RLIM: variants seen among roughly 807,000 people sequenced by gnomAD.
The protein encoded by RLIM is E3 ubiquitin-protein ligase RLIM.
In RLIM, 2 loss-of-function variants were observed where a neutral mutation model predicts 34.0. The observed-to-expected ratio is 0.06, with a 90% CI of 0.02 to 0.19. The LOEUF is 0.19. Ranked by LOEUF, RLIM falls within the 10% of genes least tolerant of loss-of-function variation. The probability of loss-of-function intolerance (pLI) is 1.00; values close to 1 mark genes in which losing one functional copy is unlikely to be tolerated. For synonymous variants in RLIM, 169 were observed against 164.0 expected, an observed-to-expected ratio of 1.03 and a Z score of -0.23; for missense variants, 286 against 479.7, an observed-to-expected ratio of 0.60 and a Z score of 3.77.
chrX:74,594,484 GA>G (rs1367179123), intron 2 of RLIM, 95 bp from the exon 3 acceptor site: 5 of 540,476 alleles, frequency 9.3e-6, no homozygotes, highest in African/African-American at 4.9e-5. Context: ...AAGATGATTA[GA>G]AAAAAAATCA....
chrX:74,603,851 T>G (rs2079671410), intron 1 of RLIM, among the ~76,000 whole-genome samples: 1 of 111,868 alleles, frequency 8.9e-6, no homozygotes, highest in Non-Finnish European at 1.9e-5. Flanking sequence ...GGCTCATGCC[T>G]GTAATCCCAG....
chrX:74,604,733 A>G (rs1407120278), intron 1 of RLIM, among the ~76,000 whole-genome samples: 1 of 111,449 alleles, frequency 9.0e-6, no homozygotes, highest in Non-Finnish European at 1.9e-5. Context: ...GAGATTTTTG[A>G]ATCCTAAACA....
intron 1 of RLIM, among the ~76,000 whole-genome samples, chrX:74,610,751 G>T (rs1056477020): frequency 5.5e-5 from 6 of 109,761 alleles, no homozygotes; most frequent in African/African-American, 2.0e-4. Flanking sequence ...TTAGCCAGGC[G>T]TGGTGGAGAG....
In RLIM at chrX:74,590,170, T is replaced by C. The variant is rs372686220; in HGVS notation, c.*1270A>G. 8.9e-6 allele frequency: 1 copy of C among 112,091 alleles called. No individual in the cohort carries two copies. The highest frequency in any genetic ancestry group is 1.9e-5 in the Non-Finnish European group (1 of 53,233). The allele number at this position is 112,091 out of a possible 1,213,427, so 9.2% of individuals were successfully genotyped here. ...ACACATGTGTACCAACTGCAATTCA[T>C]ATGCTAAAAGTGGTTTTATAGTCTC... On this transcript the variant is annotated 3_prime_UTR_variant, in exon 4 of 4. Transcript: ENST00000332687.
chrX:74,601,223 T>C (rs555596429), intron 1 of RLIM, among the ~76,000 whole-genome samples: 1 of 111,715 alleles, frequency 9.0e-6, no homozygotes, highest in South Asian at 3.7e-4. Context: ...TATTCAACAA[T>C]GAGAATCATC....
At chrX:74,614,062 G>A (rs1376629398) in intron 1 of RLIM, among the ~76,000 whole-genome samples, 1 of 109,898 alleles carries the variant, frequency 9.1e-6, no homozygotes, top group Non-Finnish European at 1.9e-5. Flanking sequence ...AGAGAACAGA[G>A]AAGAAAAAGC....
rs1484105857 is a variant in RLIM at position 74,583,206 on chromosome X, T to C, written c.*8234A>G. 1.5e-5 allele frequency: 16 copies of C among 1,083,069 alleles called. No homozygotes were observed. The highest frequency in any genetic ancestry group is 2.1e-5 in the Non-Finnish European group (16 of 778,039). 89.3% of individuals were successfully genotyped at this position (1,083,069 alleles called of 1,213,427 possible). A position where few individuals can be genotyped will look rare whatever the true frequency, so the allele number is the denominator to read the frequency against. Reference sequence around the variant, plus strand: ...CTTAGAATGGAGTGACTCTGGAGACTTGAGCATATGAAGAAGTTCTGAATT... The same window carrying C: ...CTTAGAATGGAGTGACTCTGGAGACCTGAGCATATGAAGAAGTTCTGAATT... On this transcript the variant is annotated 3_prime_UTR_variant, in exon 4 of 4. Transcript: ENST00000332687.
rs41303703 is a variant in RLIM at position 74,586,920 on chromosome X, C to T, written c.*4520G>A. ...AACAGCCTGGACAACATGGCGAAAC[C>T]CCATCTCCACAAAAAATTAGCCAGG... On this transcript the variant is annotated 3_prime_UTR_variant, in exon 4 of 4. Coordinates refer to ENST00000332687, the MANE Select transcript of RLIM (RefSeq NM_016120.4). The T allele has an allele frequency of 0.098, 10,793 of 109,959 alleles. 417 individuals carry two copies. The highest frequency in any genetic ancestry group is 0.13 in the Admixed American group (1,343 of 10,235). 9.1% of individuals were successfully genotyped at this position (109,959 alleles called of 1,213,427 possible).
chrX:74,607,920 A>G (rs1165054290), intron 1 of RLIM, among the ~76,000 whole-genome samples: 1 of 112,969 alleles, frequency 8.9e-6, no homozygotes, highest in African/African-American at 3.2e-5. Flanking sequence ...CAGAAAACAA[A>G]AAGTACCATC....
In RLIM at chrX:74,588,259, C is replaced by T. The variant is rs1285010010; in HGVS notation, c.*3181G>A. On this transcript the variant is annotated 3_prime_UTR_variant, in exon 4 of 4. Coordinates refer to ENST00000332687, the MANE Select transcript of RLIM (RefSeq NM_016120.4). ...CCGAGGCAGGCACATCACTTGAGGT[C>T]AGGAGTTCAAGACCAGCCTGGCCAA... 1 of 111,398 alleles carries T rather than the reference C, an allele frequency of 9.0e-6. No homozygotes were observed. Among genetic ancestry groups the T allele is most frequent in the Non-Finnish European group, 1.9e-5 (1 of 53,144 alleles). 9.2% of individuals were successfully genotyped at this position (111,398 alleles called of 1,213,427 possible). A position where few individuals can be genotyped will look rare whatever the true frequency, so the allele number is the denominator to read the frequency against.
intron 2 of RLIM, among the ~76,000 whole-genome samples, chrX:74,595,094 T>C (rs983172522): frequency 2.7e-5 from 3 of 110,706 alleles, no homozygotes; most frequent in Non-Finnish European, 3.8e-5. Context: ...GAGGATATTG[T>C]TATCTGCATT....
In RLIM at chrX:74,592,782, T is replaced by C. The variant is rs113452581; in HGVS notation, c.533A>G (p.Asn178Ser). 9 of 1,209,767 alleles carry C rather than the reference T, an allele frequency of 7.4e-6. No individual in the cohort carries two copies. The highest frequency in any genetic ancestry group is 1.0e-5 in the Non-Finnish European group (9 of 894,786). The change falls in exon 4 of 4, where the codon AAC becomes AGC. Residue 178 changes from asparagine to serine, a missense_variant. Coordinates refer to ENST00000332687, the MANE Select transcript of RLIM (RefSeq NM_016120.4). Reference sequence around the variant, plus strand: ...TGCAGATGTTGATTCAGATCGTGGGTTTTCCACTTGCCTTTGGCTGTTGTT... The same window carrying C: ...TGCAGATGTTGATTCAGATCGTGGGCTTTCCACTTGCCTTTGGCTGTTGTT... ...VENNSQRQVE[N>S]PRSESTSARP...
intron 2 of RLIM, among the ~76,000 whole-genome samples, chrX:74,594,897 T>TAAAAAA (rs1169273208): frequency 1.7e-5 from 1 of 59,711 alleles, no homozygotes; most frequent in Admixed American, 2.2e-4. Flanking sequence ...AGACTCTGCT[T>TAAAAAA]AAAAAAAAAA....
chrX:74,602,903 T>C (rs147864878), intron 1 of RLIM, among the ~76,000 whole-genome samples: 1,360 of 110,975 alleles, frequency 0.012, 67 homozygotes, highest in Admixed American at 0.11. Context: ...AGCACAACCA[T>C]AGGGTTAAAT....
In RLIM at chrX:74,585,971, C is replaced by T. The variant is rs1931341319; in HGVS notation, c.*5469G>A. 8.9e-6 allele frequency: 1 copy of T among 112,052 alleles called. No homozygotes were observed. Among genetic ancestry groups the T allele is most frequent in the African/African-American group, 3.3e-5 (1 of 30,766 alleles). 9.2% of individuals were successfully genotyped at this position (112,052 alleles called of 1,213,427 possible). On this transcript the variant is annotated 3_prime_UTR_variant, in exon 4 of 4. Coordinates refer to ENST00000332687, the MANE Select transcript of RLIM (RefSeq NM_016120.4). ...CCTTTGTTACTGTTCCCCCTCCAAA[C>T]CCCTTCAGGTTCTTATAAGCTTCAG...
chrX:74,613,489 C>G (rs1453977098), intron 1 of RLIM, among the ~76,000 whole-genome samples: 2 of 110,542 alleles, frequency 1.8e-5, no homozygotes, highest in African/African-American at 6.6e-5. Context: ...AGGGAAGGAA[C>G]GTGGCTGTCT....
intron 2 of RLIM, 47 bp downstream of exon 2, chrX:74,595,762 A>T (rs2079637190): frequency 2.0e-6 from 2 of 989,515 alleles, no homozygotes; most frequent in African/African-American, 2.0e-5. Flanking sequence ...ATTTTTTTTT[A>T]AACCAGCAAC....
chrX:74,587,478 A>G lies in RLIM; in HGVS notation c.*3962T>C, dbSNP rs1245391446. The G allele has an allele frequency of 8.9e-6, 1 of 112,081 alleles. No homozygotes were observed. The highest frequency in any genetic ancestry group is 1.9e-5 in the Non-Finnish European group (1 of 53,266). 9.2% of individuals were successfully genotyped at this position (112,081 alleles called of 1,213,427 possible). A position where few individuals can be genotyped will look rare whatever the true frequency, so the allele number is the denominator to read the frequency against. ...AGGTAAAACTTAAAAAAAAAATCAA[A>G]TAAGGCAGATTATAATTTTTTTTGT... On this transcript the variant is annotated 3_prime_UTR_variant, in exon 4 of 4. Transcript: ENST00000332687.
chrX:74,610,446 CAAA>C (rs1167107256), intron 1 of RLIM, among the ~76,000 whole-genome samples: 6 of 95,105 alleles, frequency 6.3e-5, no homozygotes, highest in African/African-American at 2.5e-4. Context: ...AACAAACAAA[CAAA>C]CAAACAAACA....
Sources: gnomAD v4.1 joint callset for allele counts (sites outside exome capture counted in the v4.1 genomes callset) on GRCh38, gnomAD v4.1.1 for gene constraint, MANE v1.5 for transcripts, NCBI Gene and HGNC (gene_info 2026-07-23, HGNC 2026-07-21) for gene names.